Variants in MSMO1 observed in about 807,000 individuals in gnomAD.
MSMO1 encodes C-4 methylsterol oxidase.
Under a neutral mutation model 30.4 loss-of-function variants are expected in MSMO1, and 18 were observed. That is an observed-to-expected ratio of 0.59 (90% confidence interval 0.41 to 0.88). MSMO1 has a LOEUF of 0.88. Among genes scored for constraint, MSMO1 ranks in the 40% least tolerant of loss-of-function variants. MSMO1 has a pLI of 0.00. For missense variants in MSMO1, 284 were observed against 340.5 expected, an observed-to-expected ratio of 0.83 and a Z score of 1.31; for synonymous variants, 84 against 107.9, an observed-to-expected ratio of 0.78 and a Z score of 1.37.
At position 165,340,250 on chromosome 4, in the gene MSMO1, A is replaced by G. The variant is rs776585384; in HGVS notation, c.561A>G (p.Ala187=). The G allele has an allele frequency of 1.9e-6, 3 of 1,613,806 alleles. No individual in the cohort carries two copies. Among genetic ancestry groups the G allele is most frequent in the African/African-American group, 2.7e-5 (2 of 74,906 alleles). The change falls in exon 5 of 6, where the codon GCA becomes GCG. Residue 187 remains alanine (A), a synonymous_variant. Coordinates refer to ENST00000261507, the MANE Select transcript of MSMO1 (RefSeq NM_006745.5). ...CATTTGGAATGGAAGCTGAATATGC[A>G]CATCCTTTGGAGACTCTAATTCTTG... ...QAPFGMEAEY[A]HPLETLILGT...
At chr4:165,333,727 A>G (rs914022524) in intron 2 of MSMO1, 102 bp downstream of exon 2, 1 of 1,258,808 alleles carries the variant, frequency 7.9e-7, no homozygotes, top group Middle Eastern at 2.9e-4. Flanking sequence ...GTGATATCCA[A>G]TAGAAATATG....
In MSMO1 at chr4:165,333,551, C is replaced by T; in HGVS notation, c.181C>T (p.Leu61Phe). The T allele has an allele frequency of 6.2e-7, 1 of 1,609,992 alleles. No homozygotes were observed. Among genetic ancestry groups the T allele is most frequent in the Non-Finnish European group, 8.5e-7 (1 of 1,178,594 alleles). ...GGGATCCCTTATAGTTCATGAAGCC[C>T]TTTATTTCTTATTCTGTTTACCTGG... ...TWGSLIVHEA[L>F]YFLFCLPGFL... Residue 61 changes from leucine (L) to phenylalanine (F), a missense_variant, in exon 2 of 6, where the codon CTT becomes TTT. Coordinates refer to ENST00000261507, the MANE Select transcript of MSMO1 (RefSeq NM_006745.5).
chr4:165,340,863 A>G (rs958212071), intron 5 of MSMO1, among the ~76,000 whole-genome samples: 5 of 152,250 alleles, frequency 3.3e-5, no homozygotes, highest in African/African-American at 1.2e-4. Flanking sequence ...CTAATTGTTC[A>G]TTATTTTTTA....
chr4:165,338,941 T>C (rs968183025), intron 4 of MSMO1, among the ~76,000 whole-genome samples, 163 bp downstream of exon 4: 3 of 152,144 alleles, frequency 2.0e-5, no homozygotes, highest in Admixed American at 6.5e-5. Context: ...TTCTACACAT[T>C]GTTTTCATTA....
intron 5 of MSMO1, chr4:165,340,714 C>T: frequency 4.2e-6 from 1 of 238,692 alleles, no homozygotes; most frequent in Non-Finnish European, 8.2e-6. Context: ...CTAATCTCTA[C>T]TGTTCAGCAC....
Position 165,337,823 on chromosome 4 carries a change from G to A in MSMO1, c.290G>A (p.Cys97Tyr). 1.2e-6 allele frequency: 2 copies of A among 1,613,676 alleles called. No individual in the cohort carries two copies. The highest frequency in any genetic ancestry group is 1.7e-6 in the Non-Finnish European group (2 of 1,179,768). Residue 97 changes from cysteine (C) to tyrosine (Y), a missense_variant, in exon 3 of 6, where the codon TGT (cysteine) becomes TAT (tyrosine). Cys to Tyr is a radical substitution (Grantham distance 194, BLOSUM62 -2). Coordinates refer to ENST00000261507, the MANE Select transcript of MSMO1 (RefSeq NM_006745.5). ...KPETWENQWK[C>Y]FKVLLFNHFC... ...GAGACATGGGAAAACCAATGGAAGT[G>A]TTTCAAAGTTCTTCTCTTTAATCAC...
In MSMO1 at chr4:165,333,632, A is replaced by T. The variant is rs754060722; in HGVS notation, c.255+7A>T. 2 of 1,573,206 alleles carry T rather than the reference A, an allele frequency of 1.3e-6. No individual in the cohort carries two copies. Among genetic ancestry groups the T allele is most frequent in the Admixed American group, 3.7e-5 (2 of 54,284 alleles). On this transcript the variant is annotated splice_region_variant and intron_variant, in intron 2 of 5. Coordinates refer to ENST00000261507, the MANE Select transcript of MSMO1 (RefSeq NM_006745.5). ...AAAATACAAAATTCAAAAGGTGAGT[A>T]TAAGGGACTAGAAATAGAATATTAT... is the stretch of plus-strand genomic sequence containing the variant.
At chr4:165,333,663 A>C in intron 2 of MSMO1, 38 bp downstream of exon 2, 11 of 1,520,924 alleles carry the variant, frequency 7.2e-6, no homozygotes, top group Non-Finnish European at 8.9e-6. Context: ...ATTATCATTA[A>C]TGTTGCTGAA....
In MSMO1 at chr4:165,340,289, C is replaced by G. The variant is rs1435251474; in HGVS notation, c.600C>G (p.Phe200Leu). ...LETLILGTGF[F>L]IGIVLLCDHV... ...CTCTAATTCTTGGAACTGGATTTTTCATTGGAATCGTGCTTTTGTGTGATC... is the reference window on the plus strand; with the variant it reads ...CTCTAATTCTTGGAACTGGATTTTTGATTGGAATCGTGCTTTTGTGTGATC... The change falls in exon 5 of 6, where the codon TTC becomes TTG. Residue 200 changes from phenylalanine to leucine, a missense_variant. Transcript: ENST00000261507. The G allele has an allele frequency of 6.2e-7, 1 of 1,613,810 alleles. No homozygotes were observed. The highest frequency in any genetic ancestry group is 1.3e-5 in the African/African-American group (1 of 74,914).
Position 165,340,251 on chromosome 4 carries a change from C to T in MSMO1, c.562C>T (p.His188Tyr). Residue 188 changes from histidine to tyrosine, a missense_variant, in exon 5 of 6, where the codon CAT (histidine) becomes TAT (tyrosine). Physicochemically the swap from His to Tyr is moderately conservative, Grantham distance 83. Coordinates refer to ENST00000261507, the MANE Select transcript of MSMO1 (RefSeq NM_006745.5). Reference protein sequence around the residue: ...APFGMEAEYAHPLETLILGTG... With the variant: ...APFGMEAEYAYPLETLILGTG... The stretch of plus-strand genomic sequence containing the variant: ...ATTTGGAATGGAAGCTGAATATGCA[C>T]ATCCTTTGGAGACTCTAATTCTTGG... The T allele has an allele frequency of 1.2e-6, 2 of 1,613,950 alleles. No individual in the cohort carries two copies. Among genetic ancestry groups the T allele is most frequent in the Non-Finnish European group, 1.7e-6 (2 of 1,179,938 alleles).
At chr4:165,331,821 G>A (rs1231500612) in intron 1 of MSMO1, among the ~76,000 whole-genome samples, 1 of 152,166 alleles carries the variant, frequency 6.6e-6, no homozygotes, top group Non-Finnish European at 1.5e-5. Flanking sequence ...GACCTATTGA[G>A]CTTATTTATT....
chr4:165,331,854 T>TAAAAAGTTTAAATTGTGCAA (rs748187625), intron 1 of MSMO1, among the ~76,000 whole-genome samples: 14 of 152,180 alleles, frequency 9.2e-5, no homozygotes, highest in Non-Finnish European at 1.6e-4. Context: ...CATGCTCATT[T>TAAAAAGTTTAAATTGTGCAA]AAAAAGTTTA....
intron 1 of MSMO1, chr4:165,328,065 G>A (rs1183857002): frequency 6.6e-6 from 1 of 152,458 alleles, no homozygotes; most frequent in Non-Finnish European, 1.5e-5. Context: ...GAAGATAGTT[G>A]CAGCACAGGG....
chr4:165,339,066 C>A (rs534118567), intron 4 of MSMO1, among the ~76,000 whole-genome samples: 1 of 143,240 alleles, frequency 7.0e-6, no homozygotes, highest in East Asian at 2.1e-4. Flanking sequence ...TTGCTAACTC[C>A]CACAAAAACA....
Position 165,338,313 on chromosome 4 carries a change from T to TATATATATATATACACAC in MSMO1, c.405-326_405-325insCACACATATATATATATA, listed in dbSNP as rs1353854129. 5.0e-3 allele frequency among the ~76,000 whole-genome samples: 555 copies of TATATATATATATACACAC among 112,042 alleles called. 2 individuals carry two copies. Among genetic ancestry groups the TATATATATATATACACAC allele is most frequent in the Non-Finnish European group, 7.3e-3 (421 of 57,430 alleles). 73.5% of individuals were successfully genotyped at this position (112,042 alleles called of 152,430 possible). The stretch of plus-strand genomic sequence containing the variant: ...GAACAAAAATATGTATGTGTATATA[T>TATATATATATATACACAC]ATATATATATATATATACACACATA... On this transcript the variant is annotated intron_variant, in intron 3 of 5. Coordinates refer to ENST00000261507, the MANE Select transcript of MSMO1 (RefSeq NM_006745.5).
chr4:165,335,840 T>G (rs1259060438), intron 2 of MSMO1, among the ~76,000 whole-genome samples: 1 of 152,220 alleles, frequency 6.6e-6, no homozygotes, highest in African/African-American at 2.4e-5. Context: ...TCATAACCAT[T>G]AAAGTCCATG....
intron 1 of MSMO1, chr4:165,328,177 G>A (rs1235763340): frequency 6.6e-6 from 1 of 152,266 alleles, no homozygotes; most frequent in Non-Finnish European, 1.5e-5. Context: ...TCCGAGAGGA[G>A]GTTACTGAAG....
chr4:165,336,733 C>T (rs1002455596), intron 2 of MSMO1, among the ~76,000 whole-genome samples: 2 of 152,206 alleles, frequency 1.3e-5, no homozygotes, highest in African/African-American at 4.8e-5. Context: ...TTGTAAACAT[C>T]ACAAGAGCTA....
chr4:165,335,071 G>T (rs1429960574), intron 2 of MSMO1, among the ~76,000 whole-genome samples: 3 of 152,120 alleles, frequency 2.0e-5, no homozygotes, highest in Non-Finnish European at 2.9e-5. Context: ...GTATACGAGA[G>T]GATTCGTGTA....
Sources: allele counts gnomAD v4.1 joint callset (sites outside exome capture counted in the v4.1 genomes callset), GRCh38; gene constraint gnomAD v4.1.1; transcripts MANE v1.5; gene names NCBI Gene and HGNC (gene_info 2026-07-23, HGNC 2026-07-21).